Variants in ZNF43 observed in about 807,000 individuals in gnomAD.
ZNF43 encodes zinc finger protein 43, also known as zinc finger protein 39-like 1 (KOX 27).
ZNF43 carries 44 observed loss-of-function variants against 68.4 expected under a neutral mutation model. The ratio of observed to expected loss-of-function variants is 0.64; its 90% confidence interval spans 0.51 to 0.83. The LOEUF (loss-of-function observed/expected upper bound fraction) is 0.83. Ranked by LOEUF, ZNF43 falls within the 40% of genes least tolerant of loss-of-function variation. ZNF43 has a pLI of 0.00. For missense variants in ZNF43, 896 were observed against 933.2 expected (o/e 0.96, Z 0.52); for synonymous variants, 308 against 307.8 (o/e 1.00, Z -0.01).
At chr19:21,824,669 G>T (rs1182385155) in intron 1 of ZNF43, among the ~76,000 whole-genome samples, 1 of 148,338 alleles carries the variant, frequency 6.7e-6, no homozygotes, top group Non-Finnish European at 1.5e-5. Flanking sequence ...AGCAAGCAGG[G>T]TACAATCAAA....
intron 3 of ZNF43, among the ~76,000 whole-genome samples, chr19:21,812,335 C>T (rs1052589471): frequency 7.2e-5 from 11 of 152,070 alleles, no homozygotes; most frequent in East Asian, 3.9e-4. Context: ...ACCATGGTCT[C>T]GATCTCCTGA....
In ZNF43 at chr19:21,808,131, T is replaced by C. The variant is rs764972611; in HGVS notation, c.1906A>G (p.Thr636Ala). ...ECGKAFNQFSTLTKHKIIHTE... is the reference protein window; with the variant it reads ...ECGKAFNQFSALTKHKIIHTE... ...TGAATTATCTTATGTTTAGTAAGAGTTGAGAACTGGTTAAAAGCTTTGCCA... is the reference window on the plus strand; with the variant it reads ...TGAATTATCTTATGTTTAGTAAGAGCTGAGAACTGGTTAAAAGCTTTGCCA... Residue 636 changes from threonine (T) to alanine (A), a missense_variant, in exon 4 of 4, where the codon ACT (threonine) becomes GCT (alanine). Physicochemically the swap from Thr to Ala is moderately conservative, Grantham distance 58. Coordinates refer to ENST00000354959, the MANE Select transcript of ZNF43 (RefSeq NM_003423.4). 2.5e-6 allele frequency: 4 copies of C among 1,612,856 alleles called. No homozygotes were observed. In the African/African-American group the frequency reaches 4.0e-5, roughly 16 times the overall value.
chr19:21,851,864 C>A (rs1032538188), intron 1 of ZNF43: 3 of 1,548,272 alleles, frequency 1.9e-6, no homozygotes, highest in East Asian at 4.9e-5. Flanking sequence ...ACTTTCACAG[C>A]CTGCTCTCCC....
At chr19:21,829,032 CA>C (rs551226809) in intron 1 of ZNF43, among the ~76,000 whole-genome samples, 405 of 38,736 alleles carry the variant, frequency 0.01, no homozygotes, top group African/African-American at 0.014. Flanking sequence ...GACTCTGTCT[CA>C]AAAAAAAAAA....
upstream of ZNF43, among the ~76,000 whole-genome samples, chr19:21,836,427 C>T (rs1042528784): frequency 6.6e-6 from 1 of 152,248 alleles, no homozygotes; most frequent in African/African-American, 2.4e-5. Flanking sequence ...TTGCCTTTAA[C>T]CTTGTGTATA....
rs1184897981 is a variant in ZNF43, at chr19:21,850,482, C to T, written c.30+1423G>A. Among the ~76,000 whole-genome samples, 3 of 152,024 alleles carry T rather than the reference C, an allele frequency of 2.0e-5. No individual in the cohort carries two copies. The East Asian group carries it at 5.8e-4, about 29-fold the overall frequency. On this transcript the variant is annotated intron_variant, in intron 1 of 3. Transcript: ENST00000357491. ...GACTGAGGCAGGAGAATCATTTGAA[C>T]CTGGGAAGCGGAAGTTGCAGTGAGC...
rs1206852329 is a variant in ZNF43 at position 21,843,979 on chromosome 19, AT to A, written c.30+7925del. Among the ~76,000 whole-genome samples, 7 of 152,246 alleles carry A rather than the reference AT, an allele frequency of 4.6e-5. No individual in the cohort carries two copies. In the East Asian group the frequency reaches 1.3e-3, roughly 29 times the overall value. ...AATATTTACTGTTGGCTGGTTGCGC[AT>A]ATGAGTATAACAATGTCACCTGTGT... On this transcript the variant is annotated intron_variant, in intron 1 of 3. Coordinates refer to the ZNF43 transcript ENST00000357491.
chr19:21,814,571 G>A (rs912926319), intron 3 of ZNF43, among the ~76,000 whole-genome samples: 2 of 151,780 alleles, frequency 1.3e-5, no homozygotes, highest in African/African-American at 4.8e-5. Flanking sequence ...CACTATGCCC[G>A]GCTAATTTTT....
At chr19:21,847,981 C>A (rs767728815) in intron 1 of ZNF43, among the ~76,000 whole-genome samples, 2 of 151,980 alleles carry the variant, frequency 1.3e-5, no homozygotes, top group Non-Finnish European at 2.9e-5. Context: ...CACCACCATG[C>A]CCGGCTAATT....
In ZNF43 at chr19:21,844,896, C is replaced by CAA. The variant is rs869257892; in HGVS notation, c.30+7007_30+7008dup. Among the ~76,000 whole-genome samples the CAA allele has an allele frequency of 1.3e-3, 48 of 35,782 alleles. 1 individual carries two copies. The highest frequency in any genetic ancestry group is 1.5e-3 in the African/African-American group (7 of 4,590). The allele number at this position is 35,782 out of a possible 152,430, so 23.5% of individuals were successfully genotyped here. On this transcript the variant is annotated intron_variant, in intron 1 of 3. Transcript: ENST00000357491. Reference sequence around the variant, plus strand: ...TGGGCGACAGAGCAAGATTCCGTCTCAAAAAAAAAAAAAAAAAAAAAAAAA... The same window carrying CAA: ...TGGGCGACAGAGCAAGATTCCGTCTCAAAAAAAAAAAAAAAAAAAAAAAAAAA...
In ZNF43 at chr19:21,846,386, G is replaced by A. The variant is rs1197293350; in HGVS notation, c.30+5519C>T. Among the ~76,000 whole-genome samples, 6 of 152,192 alleles carry A rather than the reference G, an allele frequency of 3.9e-5. No individual in the cohort carries two copies. In the East Asian group the frequency reaches 1.2e-3, roughly 29 times the overall value. The stretch of plus-strand genomic sequence containing the variant: ...AAGAATCACATCACCTGTGTGCTGG[G>A]CCAAACAATAAGTCACTCTCTTTTC... On this transcript the variant is annotated intron_variant, in intron 1 of 3. Transcript: ENST00000357491.
chr19:21,818,506 C>T (rs1214547024), intron 2 of ZNF43, among the ~76,000 whole-genome samples: 1 of 152,118 alleles, frequency 6.6e-6, no homozygotes, highest in East Asian at 1.9e-4. Context: ...CTGCAACCTC[C>T]ACCTCCTGGG....
At chr19:21,824,732 TAAAAA>T (rs34739856) in intron 1 of ZNF43, among the ~76,000 whole-genome samples, 43 of 107,252 alleles carry the variant, frequency 4.0e-4, no homozygotes, top group African/African-American at 1.2e-3. Context: ...TATGTTTACC[TAAAAA>T]AAAAAAAAAA....
chr19:21,847,118 C>A (rs1410869327), intron 1 of ZNF43, among the ~76,000 whole-genome samples: 1 of 152,136 alleles, frequency 6.6e-6, no homozygotes, highest in Non-Finnish European at 1.5e-5. Flanking sequence ...AATAAAGACC[C>A]ATGCAGAAAA....
intron 1 of ZNF43, among the ~76,000 whole-genome samples, chr19:21,823,493 T>C (rs900295123): frequency 3.9e-5 from 6 of 151,938 alleles, no homozygotes; most frequent in African/African-American, 1.4e-4. Flanking sequence ...GTCGCAAAGA[T>C]GTCTAGTTGA....
exon 1 of ZNF43, chr19:21,852,019 C>G: frequency 3.4e-6 from 5 of 1,452,656 alleles, no homozygotes; most frequent in Middle Eastern, 2.3e-4. Flanking sequence ...AGTTGGAGAA[C>G]GCGGAAAAGC....
At chr19:21,851,839 G>A (rs1322861673) in intron 1 of ZNF43, 1 of 1,500,280 alleles carries the variant, frequency 6.7e-7, no homozygotes, top group Non-Finnish European at 8.9e-7. Flanking sequence ...GGACTGTGAG[G>A]AGGCCGGTCC....
chr19:21,809,361 C>T lies in ZNF43; in HGVS notation c.676G>A (p.Gly226Arg), dbSNP rs1191557521. 3.1e-6 allele frequency: 5 copies of T among 1,613,562 alleles called. No homozygotes were observed. Among genetic ancestry groups the T allele is most frequent in the Non-Finnish European group, 4.2e-6 (5 of 1,179,880 alleles). ...TCTTCACATGTGTAGGGTTTCTCTC[C>T]AGTATTAATTCTCTTATGTTTAGTG... ...IITKHKRINTGEKPYTCEECG... is the reference protein window; with the variant it reads ...IITKHKRINTREKPYTCEECG... Residue 226 changes from glycine to arginine, a missense_variant, in exon 4 of 4, where the codon GGA (glycine) becomes AGA (arginine). Gly to Arg is a moderately radical substitution (Grantham distance 125, BLOSUM62 -2). Transcript: ENST00000354959.
At chr19:21,830,590 C>G (rs2038379065) in intron 1 of ZNF43, among the ~76,000 whole-genome samples, 2 of 136,274 alleles carry the variant, frequency 1.5e-5, no homozygotes, top group South Asian at 2.3e-4. Flanking sequence ...AAGAGACCAA[C>G]AAGATTCAAA....
Sources: allele counts gnomAD v4.1 joint callset (sites outside exome capture counted in the v4.1 genomes callset), GRCh38; gene constraint gnomAD v4.1.1; transcripts MANE v1.5; gene names NCBI Gene and HGNC (gene_info 2026-07-23, HGNC 2026-07-21).